Variants in COL28A1 observed in about 807,000 individuals in gnomAD.
The protein encoded by COL28A1 is collagen alpha-1(XXVIII) chain.
A neutral mutation model predicts 150.2 loss-of-function variants in COL28A1; 161 were observed. The ratio of observed to expected loss-of-function variants is 1.07; its 90% CI spans 0.94 to 1.22. The LOEUF (loss-of-function observed/expected upper bound fraction) is 1.22, where lower values mean the gene tolerates loss of function less well. Ranked by LOEUF, COL28A1 falls within the 50% of genes most tolerant of loss-of-function variation. The probability of loss-of-function intolerance (pLI) is 0.00; values close to 1 mark genes in which losing one functional copy is unlikely to be tolerated. For synonymous variants in COL28A1, 552 were observed against 469.7 expected (o/e 1.18, Z -2.26); for missense variants, 1,617 against 1,388.3 (o/e 1.16, Z -2.62).
intron 1 of COL28A1, among the ~76,000 whole-genome samples, chr7:7,534,136 G>T (rs184927362): frequency 3.9e-5 from 6 of 152,138 alleles, no homozygotes; most frequent in Non-Finnish European, 7.4e-5. Flanking sequence ...CCAATGGATG[G>T]CTTCATGCCA....
At chr7:7,436,639 C>T (rs371035459) in intron 22 of COL28A1, among the ~76,000 whole-genome samples, 176 bp from the exon 23 acceptor site, 11 of 152,294 alleles carry the variant, frequency 7.2e-5, no homozygotes, top group African/African-American at 2.2e-4. Flanking sequence ...GTAAATAACA[C>T]CTGTCAGTAA....
chr7:7,398,006 G>T (rs1380577976), intron 27 of COL28A1, among the ~76,000 whole-genome samples: 1 of 152,146 alleles, frequency 6.6e-6, no homozygotes, highest in Non-Finnish European at 1.5e-5. Context: ...ATATTGAATT[G>T]GACCTTTGAC....
At position 7,511,099 on chromosome 7, in the gene COL28A1, C is replaced by T. The variant is rs1255200097; in HGVS notation, c.919G>A (p.Gly307Ser). Residue 307 changes from glycine to serine, a missense_variant, in exon 9 of 35, where the codon GGT (glycine) becomes AGT (serine). Gly to Ser is a moderately conservative substitution (Grantham distance 56). Transcript: ENST00000399429. ...RGECGKPGIK[G>S]DKGSPGPYGP... ...AAAAACATGTTCCTTACCTTGTCAC[C>T]TTTTATCCCTGGTTTACCACATTCC... 8.7e-6 allele frequency: 14 copies of T among 1,613,108 alleles called. No individual in the cohort carries two copies. The highest frequency in any genetic ancestry group is 8.5e-7 in the Non-Finnish European group (1 of 1,179,352).
chr7:7,428,377 CTGTA>C (rs1784759575), intron 25 of COL28A1, among the ~76,000 whole-genome samples: 1 of 152,144 alleles, frequency 6.6e-6, no homozygotes, highest in Non-Finnish European at 1.5e-5. Context: ...GCACGGTAGG[CTGTA>C]CCTGCCCTTA....
At chr7:7,493,737 T>C (rs565468264) in intron 11 of COL28A1, among the ~76,000 whole-genome samples, 3 of 152,176 alleles carry the variant, frequency 2.0e-5, no homozygotes, top group South Asian at 4.2e-4. Flanking sequence ...AAATATGCTG[T>C]CTGGGTAAAA....
At chr7:7,385,989 T>C (rs1782160194) in intron 27 of COL28A1, among the ~76,000 whole-genome samples, 1 of 152,176 alleles carries the variant, frequency 6.6e-6, no homozygotes, top group Non-Finnish European at 1.5e-5. Flanking sequence ...CTCAGGAAAA[T>C]GATAAACAAT....
intron 11 of COL28A1, among the ~76,000 whole-genome samples, chr7:7,504,594 G>A (rs1158755494): frequency 1.3e-5 from 2 of 152,128 alleles, no homozygotes; most frequent in Admixed American, 6.5e-5. Context: ...TGCCAGCCAC[G>A]ACCTGCATCA....
chr7:7,540,282 TA>T (rs771583749), upstream of COL28A1, among the ~76,000 whole-genome samples: 5 of 152,256 alleles, frequency 3.3e-5, no homozygotes, highest in Non-Finnish European at 7.3e-5. Context: ...AACTCTGCTT[TA>T]AATGGCAAAA....
chr7:7,381,712 G>A (rs1455918875), intron 27 of COL28A1, 100 bp from the exon 28 acceptor site: 3 of 745,630 alleles, frequency 4.0e-6, no homozygotes, highest in African/African-American at 3.5e-5. Context: ...CTGCATTATA[G>A]TATTATCTAA....
At chr7:7,384,411 C>G (rs986540559) in intron 27 of COL28A1, among the ~76,000 whole-genome samples, 18 of 152,166 alleles carry the variant, frequency 1.2e-4, no homozygotes, top group African/African-American at 4.3e-4. Context: ...TCTGTACTTT[C>G]ATTTCCCATG....
At chr7:7,526,396 T>C (rs1782026550) in intron 3 of COL28A1, among the ~76,000 whole-genome samples, 1 of 152,236 alleles carries the variant, frequency 6.6e-6, no homozygotes, top group Non-Finnish European at 1.5e-5. Context: ...CAAAAGCAAG[T>C]TGTAGATAGA....
At chr7:7,448,911 C>G (rs1786474576) in intron 18 of COL28A1, among the ~76,000 whole-genome samples, 1 of 151,996 alleles carries the variant, frequency 6.6e-6, no homozygotes, top group South Asian at 2.1e-4. Context: ...TGACAAAAAA[C>G]AGATCAATGG....
chr7:7,438,502 T>C (rs957073397), intron 21 of COL28A1, among the ~76,000 whole-genome samples: 1 of 152,208 alleles, frequency 6.6e-6, no homozygotes, highest in Non-Finnish European at 1.5e-5. Flanking sequence ...CTCTAGAGGT[T>C]GGGGCCCAGG....
Position 7,432,679 on chromosome 7 carries a change from G to C in COL28A1, c.1882C>G (p.Pro628Ala). 6.2e-7 allele frequency: 1 copy of C among 1,613,812 alleles called. No individual in the cohort carries two copies. The highest frequency in any genetic ancestry group is 2.2e-5 in the East Asian group (1 of 44,856). ...CCTTTGAGTCCTGGAGCACCCACTG[G>C]TCCCCGAGGGCCTTGGACACCCTGG... ...GPKGVQGPRG[P>A]VGAPGLKGDG... Residue 628 changes from proline to alanine, a missense_variant, in exon 24 of 35, where the codon CCA becomes GCA. Coordinates refer to ENST00000399429, the MANE Select transcript of COL28A1 (RefSeq NM_001037763.3).
At chr7:7,391,549 G>A (rs368164995) in intron 27 of COL28A1, among the ~76,000 whole-genome samples, 4 of 152,124 alleles carry the variant, frequency 2.6e-5, no homozygotes, top group African/African-American at 7.2e-5. Context: ...TTTCTGTCTC[G>A]TTAATCTGTG....
intron 27 of COL28A1, among the ~76,000 whole-genome samples, chr7:7,396,374 A>G (rs1359650461): frequency 6.6e-6 from 1 of 152,118 alleles, no homozygotes; most frequent in African/African-American, 2.4e-5. Context: ...CTTTCACTCA[A>G]ATACAAAGCT....
the COL28A1 span, among the ~76,000 whole-genome samples, chr7:7,540,983 C>T: frequency 6.6e-6 from 1 of 152,108 alleles, no homozygotes; most frequent in Admixed American, 6.6e-5. Context: ...TGTAGAAACA[C>T]AATACCTACT....
chr7:7,364,864 A>G (rs1439200761), intron 33 of COL28A1, among the ~76,000 whole-genome samples: 1 of 152,158 alleles, frequency 6.6e-6, no homozygotes, highest in African/African-American at 2.4e-5. Flanking sequence ...GAATAGGCAA[A>G]AAGTATCCAT....
rs531608726 is a variant in COL28A1 at position 7,490,676 on chromosome 7, A to G, written c.1027-30T>C. ...AGGAAGAAATAGTGACATCAGTTAT[A>G]TGTTAGGTCGACTCAATAGTATTGA... On this transcript the variant is annotated intron_variant, in intron 11 of 34. Coordinates refer to ENST00000399429, the MANE Select transcript of COL28A1 (RefSeq NM_001037763.3). 26 of 937,554 alleles carry G rather than the reference A, an allele frequency of 2.8e-5. No homozygotes were observed. In the South Asian group the frequency reaches 3.5e-4, roughly 12 times the overall value. The allele number at this position is 937,554 out of a possible 1,614,324, so 58.1% of individuals were successfully genotyped here.
Sources: gnomAD v4.1 joint callset for allele counts (sites outside exome capture counted in the v4.1 genomes callset) on GRCh38, gnomAD v4.1.1 for gene constraint, MANE v1.5 for transcripts, NCBI Gene and HGNC (gene_info 2026-07-23, HGNC 2026-07-21) for gene names.